TPD52: variants seen among roughly 807,000 people sequenced by gnomAD.
TPD52 encodes tumor protein D52.
TPD52 carries 17 observed loss-of-function variants against 31.3 expected under a neutral mutation model. That is an observed-to-expected ratio of 0.54 (90% CI 0.37 to 0.82). The LOEUF is 0.82. Ranked by LOEUF, TPD52 falls within the 40% of genes least tolerant of loss-of-function variation. The pLI, the probability that TPD52 is intolerant of heterozygous loss-of-function variation, is 0.00. For synonymous variants in TPD52, 83 were observed against 89.6 expected, an observed-to-expected ratio of 0.93 and a Z score of 0.42; for missense variants, 212 against 240.1, an observed-to-expected ratio of 0.88 and a Z score of 0.77.
chr8:80,052,205 A>C (rs888804310), intron 3 of TPD52, among the ~76,000 whole-genome samples: 4 of 152,234 alleles, frequency 2.6e-5, no homozygotes, highest in Non-Finnish European at 5.9e-5. Context: ...AAAATATGCA[A>C]TGCTTAAAAT....
chr8:80,057,258 T>A (rs1811993195), intron 2 of TPD52, among the ~76,000 whole-genome samples: 1 of 152,208 alleles, frequency 6.6e-6, no homozygotes, highest in Non-Finnish European at 1.5e-5. Context: ...ATAACAGTCC[T>A]AAAGTTCAGC....
At chr8:80,108,504 T>C (rs1807286085) in intron 1 of TPD52, among the ~76,000 whole-genome samples, 1 of 152,196 alleles carries the variant, frequency 6.6e-6, no homozygotes, top group Non-Finnish European at 1.5e-5. Context: ...TAGGCAGTTA[T>C]TGTTTTGATT....
downstream of TPD52, among the ~76,000 whole-genome samples, chr8:80,033,698 A>G (rs977905348): frequency 3.9e-5 from 6 of 152,292 alleles, no homozygotes; most frequent in South Asian, 2.1e-4. Flanking sequence ...CCGTAGGGTG[A>G]GCAAGGCAGA....
intron 1 of TPD52, among the ~76,000 whole-genome samples, chr8:80,074,873 T>C (rs1814337746): frequency 6.6e-6 from 1 of 152,136 alleles, no homozygotes; most frequent in East Asian, 1.9e-4. Context: ...TGGGTAATTG[T>C]AGTCAAGGTA....
At chr8:80,070,955 A>G (rs1462077113) in intron 1 of TPD52, among the ~76,000 whole-genome samples, 2 of 152,200 alleles carry the variant, frequency 1.3e-5, no homozygotes, top group Admixed American at 6.5e-5. Context: ...TCATGTCCTT[A>G]TAAGAAGGAA....
At chr8:80,079,126 T>C (rs1814934716) in intron 1 of TPD52, among the ~76,000 whole-genome samples, 1 of 152,162 alleles carries the variant, frequency 6.6e-6, no homozygotes, top group South Asian at 2.1e-4. Context: ...GTGGCCCCTA[T>C]TAAATTATAC....
chr8:80,049,291 C>T (rs1586154385), intron 5 of TPD52, among the ~76,000 whole-genome samples: 2 of 152,270 alleles, frequency 1.3e-5, no homozygotes, highest in South Asian at 4.1e-4. Flanking sequence ...GCCCATGGAA[C>T]CTGTCCACAG....
chr8:80,152,283 G>A (rs975284225), intron 1 of TPD52, among the ~76,000 whole-genome samples: 2 of 151,438 alleles, frequency 1.3e-5, no homozygotes, highest in African/African-American at 4.9e-5. Flanking sequence ...GGAGGATGAA[G>A]AAGCCAGGCC....
At chr8:80,118,371 T>C (rs963948248) in intron 1 of TPD52, among the ~76,000 whole-genome samples, 6 of 152,170 alleles carry the variant, frequency 3.9e-5, no homozygotes, top group African/African-American at 1.4e-4. Flanking sequence ...AACTCTACAT[T>C]GGATCATGCA....
At chr8:80,121,296 C>T (rs1420300142) in intron 1 of TPD52, among the ~76,000 whole-genome samples, 1 of 152,042 alleles carries the variant, frequency 6.6e-6, no homozygotes, top group East Asian at 1.9e-4. Flanking sequence ...TGCCCTTTCA[C>T]AGCCCCAGCA....
At chr8:80,057,598 A>G (rs1024742936) in intron 2 of TPD52, among the ~76,000 whole-genome samples, 1 of 152,192 alleles carries the variant, frequency 6.6e-6, no homozygotes, top group African/African-American at 2.4e-5. Flanking sequence ...GTTCTGACTT[A>G]TAAGTGGGAG....
Position 80,169,078 on chromosome 8 carries a change from A to C in TPD52, c.19+2347T>G, listed in dbSNP as rs7831598. ...AAGCTCACTGCAACCTCTGCCTCCC[A>C]GTTTCTAGTGATTCTCCTGCCTCAG... On this transcript the variant is annotated intron_variant, in intron 1 of 7. Transcript: ENST00000518937. Among the ~76,000 whole-genome samples the C allele has an allele frequency of 6.6e-5, 10 of 152,090 alleles. No individual in the cohort carries two copies. The East Asian group carries it at 9.6e-4, about 15-fold the overall frequency.
chr8:80,147,498 G>A (rs888057182), intron 1 of TPD52, among the ~76,000 whole-genome samples: 1 of 152,204 alleles, frequency 6.6e-6, no homozygotes, highest in Non-Finnish European at 1.5e-5. Context: ...CTAGTAGGAA[G>A]GACAGCTAGC....
At chr8:80,105,786 C>A (rs987541798) in intron 1 of TPD52, among the ~76,000 whole-genome samples, 5 of 146,546 alleles carry the variant, frequency 3.4e-5, no homozygotes, top group African/African-American at 1.3e-4. Context: ...GGCTGGAGTG[C>A]AGCGGTGCAA....
chr8:80,140,950 CGTGTGTGTGTGTGTGT>C (rs142097159), intron 1 of TPD52, among the ~76,000 whole-genome samples: 2 of 143,676 alleles, frequency 1.4e-5, no homozygotes, highest in Admixed American at 7.0e-5. Flanking sequence ...CAATACAACT[CGTGTGTGTGTGTGTGT>C]GTGTGTGTGT....
chr8:80,097,526 G>A (rs368614881), intron 1 of TPD52, among the ~76,000 whole-genome samples: 26 of 152,270 alleles, frequency 1.7e-4, no homozygotes, highest in Non-Finnish European at 3.2e-4. Context: ...GTTCTCAAGA[G>A]ATCTGATTGT....
At chr8:80,047,139 C>T (rs941872275) in intron 5 of TPD52, among the ~76,000 whole-genome samples, 1 of 152,198 alleles carries the variant, frequency 6.6e-6, no homozygotes, top group African/African-American at 2.4e-5. Flanking sequence ...TCTTAAACCA[C>T]CACTGCTCTG....
intron 1 of TPD52, among the ~76,000 whole-genome samples, chr8:80,154,953 T>TTTTG (rs1226578512): frequency 6.7e-6 from 1 of 149,376 alleles, no homozygotes; most frequent in African/African-American, 2.5e-5. Context: ...TTTGGGGTTG[T>TTTTG]TTTGTTTGTT....
intron 1 of TPD52, among the ~76,000 whole-genome samples, chr8:80,104,132 G>T (rs1422206978): frequency 6.6e-6 from 1 of 152,176 alleles, no homozygotes; most frequent in Non-Finnish European, 1.5e-5. Context: ...ATGGGAGGTG[G>T]TGTGGATCTC....
Sources: allele counts gnomAD v4.1 joint callset (sites outside exome capture counted in the v4.1 genomes callset), GRCh38; gene constraint gnomAD v4.1.1; transcripts MANE v1.5; gene names NCBI Gene and HGNC (gene_info 2026-07-23, HGNC 2026-07-21).